The following CNTNAP2 variants were observed in gnomAD, a reference collection of about 807,000 sequenced individuals.
The protein encoded by CNTNAP2 is contactin-associated protein-like 2.
Under a neutral mutation model 155.2 loss-of-function variants are expected in CNTNAP2, and 98 were observed. The ratio of observed to expected loss-of-function variants is 0.63; its 90% CI spans 0.54 to 0.75. The LOEUF (loss-of-function observed/expected upper bound fraction) is 0.75, where lower values mean the gene tolerates loss of function less well. Ranked by LOEUF, CNTNAP2 falls within the 30% of genes least tolerant of loss-of-function variation. CNTNAP2 has a pLI of 0.00. For synonymous variants in CNTNAP2, 651 were observed against 631.2 expected, an observed-to-expected ratio of 1.03 and a Z score of -0.47; for missense variants, 1,727 against 1,688.1, an observed-to-expected ratio of 1.02 and a Z score of -0.40.
chr7:148,374,358 A>ACTT (rs1490767925), intron 21 of CNTNAP2, among the ~76,000 whole-genome samples: 4 of 152,164 alleles, frequency 2.6e-5, no homozygotes, highest in African/African-American at 9.7e-5. Context: ...TTGCTAACAC[A>ACTT]CTTTTCCTAG....
chr7:146,811,843 A>G lies in CNTNAP2; in HGVS notation c.209-27868A>G, dbSNP rs145413182. 1.9e-3 allele frequency among the ~76,000 whole-genome samples: 285 copies of G among 152,234 alleles called. 1 individual carries two copies. The highest frequency in any genetic ancestry group is 6.3e-3 in the African/African-American group (263 of 41,562). On this transcript the variant is annotated intron_variant, in intron 2 of 23. Transcript: ENST00000361727. Reference sequence around the variant, plus strand: ...AGTTCTCATGAGATCTGATGGTTTTACAAGAGGCTTTTTTCTCTTTGCTGG... The same window carrying G: ...AGTTCTCATGAGATCTGATGGTTTTGCAAGAGGCTTTTTTCTCTTTGCTGG...
At chr7:148,010,018 T>C (rs897697374) in intron 15 of CNTNAP2, among the ~76,000 whole-genome samples, 4 of 152,194 alleles carry the variant, frequency 2.6e-5, no homozygotes, top group Non-Finnish European at 4.4e-5. Flanking sequence ...CAAATTGTTT[T>C]CCCAATTTAC....
chr7:147,877,132 G>A (rs957311790), intron 13 of CNTNAP2, among the ~76,000 whole-genome samples: 3 of 151,124 alleles, frequency 2.0e-5, no homozygotes, highest in African/African-American at 4.9e-5. Context: ...CAGACACAAC[G>A]AAGGCTTTTT....
intron 1 of CNTNAP2, among the ~76,000 whole-genome samples, chr7:146,404,162 G>C (rs1048082406): frequency 9.3e-5 from 14 of 150,672 alleles, no homozygotes; most frequent in Non-Finnish European, 2.1e-4. Flanking sequence ...TGGCCTCTTG[G>C]TTTTAGTGAC....
chr7:146,632,467 G>A (rs1000318892), intron 1 of CNTNAP2, among the ~76,000 whole-genome samples: 1 of 151,996 alleles, frequency 6.6e-6, no homozygotes, highest in Admixed American at 6.5e-5. Context: ...AATCGATTTA[G>A]ACTTAAGTAA....
chr7:147,662,726 ATTAAATTAGAAAGG>A (rs919488669), intron 13 of CNTNAP2, among the ~76,000 whole-genome samples: 4 of 152,168 alleles, frequency 2.6e-5, no homozygotes, highest in African/African-American at 9.6e-5. Context: ...TAGTACACTT[ATTAAATTAGAAAGG>A]TGGGGTGGTC....
At chr7:148,156,979 C>G (rs1224089908) in intron 17 of CNTNAP2, among the ~76,000 whole-genome samples, 8 of 152,164 alleles carry the variant, frequency 5.3e-5, no homozygotes, top group Admixed American at 5.2e-4. Context: ...CAGATTCATG[C>G]TGACTTCTTG....
chr7:147,196,205 G>A (rs1350318451), intron 8 of CNTNAP2, among the ~76,000 whole-genome samples: 2 of 152,126 alleles, frequency 1.3e-5, no homozygotes, highest in East Asian at 3.9e-4. Flanking sequence ...AATGTCTATG[G>A]TTTAAATCAC....
chr7:147,103,609 T>A (rs1419313302), intron 4 of CNTNAP2, among the ~76,000 whole-genome samples: 2 of 152,044 alleles, frequency 1.3e-5, no homozygotes, highest in Admixed American at 1.3e-4. Context: ...GAAATATATA[T>A]GCTTTTACAA....
At chr7:146,572,813 A>G (rs565034704) in intron 1 of CNTNAP2, among the ~76,000 whole-genome samples, 2 of 152,158 alleles carry the variant, frequency 1.3e-5, no homozygotes, top group African/African-American at 4.8e-5. Context: ...CTTGGACAAA[A>G]GTAACGATAT....
At chr7:146,749,118 A>G (rs1801860344) in intron 1 of CNTNAP2, among the ~76,000 whole-genome samples, 1 of 152,040 alleles carries the variant, frequency 6.6e-6, no homozygotes, top group Non-Finnish European at 1.5e-5. Context: ...CACATATATA[A>G]CATATACATA....
At chr7:147,553,439 A>T (rs1799890077) in intron 11 of CNTNAP2, among the ~76,000 whole-genome samples, 1 of 152,162 alleles carries the variant, frequency 6.6e-6, no homozygotes, top group Non-Finnish European at 1.5e-5. Flanking sequence ...AAACCACTTC[A>T]CAAATAAAGT....
chr7:146,603,654 A>G (rs1429494947), intron 1 of CNTNAP2, among the ~76,000 whole-genome samples: 6 of 150,946 alleles, frequency 4.0e-5, no homozygotes, highest in African/African-American at 7.3e-5. Flanking sequence ...GAGGAATCAC[A>G]CTACCTGACT....
chr7:148,255,468 T>A (rs1009551248), intron 20 of CNTNAP2, among the ~76,000 whole-genome samples: 3 of 152,212 alleles, frequency 2.0e-5, no homozygotes, highest in African/African-American at 4.8e-5. Context: ...ATGCTTTAAA[T>A]AATATTCAGT....
intron 8 of CNTNAP2, among the ~76,000 whole-genome samples, chr7:147,209,388 T>A (rs1324219973): frequency 2.6e-5 from 4 of 152,030 alleles, no homozygotes; most frequent in Admixed American, 1.3e-4. Flanking sequence ...GATTTGGCTC[T>A]GAGCTTGAAC....
chr7:146,749,129 T>C (rs1801860630), intron 1 of CNTNAP2, among the ~76,000 whole-genome samples: 1 of 152,140 alleles, frequency 6.6e-6, no homozygotes, highest in South Asian at 2.1e-4. Context: ...CATATACATA[T>C]ATACATAGGT....
In CNTNAP2 at chr7:148,148,534, G is replaced by A. The variant is rs184986291; in HGVS notation, c.2773+825G>A. Among the ~76,000 whole-genome samples, 245 of 152,354 alleles carry A rather than the reference G, an allele frequency of 1.6e-3. 1 individual carries two copies. The highest frequency in any genetic ancestry group is 5.6e-3 in the African/African-American group (231 of 41,576). ...CCCTCTCTAGGGGGTCAATTGATCA[G>A]TGCAGTCAACTGTGGAAGTCTCAGA... On this transcript the variant is annotated intron_variant, in intron 17 of 23. Coordinates refer to ENST00000361727, the MANE Select transcript of CNTNAP2 (RefSeq NM_014141.6).
chr7:147,752,867 C>T (rs956268861), intron 13 of CNTNAP2, among the ~76,000 whole-genome samples: 1 of 152,122 alleles, frequency 6.6e-6, no homozygotes, highest in African/African-American at 2.4e-5. Context: ...GGAAAACAGT[C>T]AGAGGGCATG....
intron 1 of CNTNAP2, among the ~76,000 whole-genome samples, chr7:146,365,957 T>C (rs2129101831): frequency 6.6e-6 from 1 of 152,310 alleles, no homozygotes; most frequent in African/African-American, 2.4e-5. Context: ...TCTACATCAA[T>C]GCTATACATT....
Sources: allele counts gnomAD v4.1 joint callset (sites outside exome capture counted in the v4.1 genomes callset), GRCh38; gene constraint gnomAD v4.1.1; transcripts MANE v1.5; gene names NCBI Gene and HGNC (gene_info 2026-07-23, HGNC 2026-07-21).